Variants in CHM observed in about 807,000 individuals in gnomAD.
CHM encodes CHM Rab escort protein, also known as rab proteins geranylgeranyltransferase component A 1.
A neutral mutation model predicts 49.0 loss-of-function variants in CHM; 10 were observed. The observed-to-expected ratio is 0.20, with a 90% CI of 0.13 to 0.35. CHM has a LOEUF of 0.35. Among genes scored for constraint, CHM ranks in the 10% least tolerant of loss-of-function variants. CHM has a pLI of 1.00. For missense variants in CHM, 455 were observed against 478.4 expected, an observed-to-expected ratio of 0.95 and a Z score of 0.46; for synonymous variants, 184 against 167.5, an observed-to-expected ratio of 1.10 and a Z score of -0.76.
intron 9 of CHM, among the ~76,000 whole-genome samples, chrX:85,901,823 T>C (rs1319581675): frequency 5.4e-5 from 6 of 112,105 alleles, no homozygotes; most frequent in African/African-American, 1.3e-4. Flanking sequence ...AAAACACTTA[T>C]GCACGGACAT....
chrX:85,958,047 T>C (rs763162956), intron 6 of CHM, 72 bp from the exon 7 acceptor site: 242 of 1,140,238 alleles, frequency 2.1e-4, no homozygotes, highest in Admixed American at 2.5e-4. Flanking sequence ...TACACTTTTT[T>C]CCCCTTTACA....
chrX:85,957,288 A>G (rs1272624326), intron 7 of CHM, among the ~76,000 whole-genome samples: 3 of 111,837 alleles, frequency 2.7e-5, no homozygotes, highest in Non-Finnish European at 5.6e-5. Context: ...TTTTTAACAG[A>G]CAATGAAGTA....
intron 2 of CHM, among the ~76,000 whole-genome samples, chrX:86,013,504 C>T (rs1406462625): frequency 9.0e-6 from 1 of 111,267 alleles, no homozygotes; most frequent in African/African-American, 3.3e-5. Flanking sequence ...GTGGCCGAGA[C>T]AGGCGGATCA....
intron 4 of CHM, chrX:85,969,691 G>A (rs1464199066): frequency 3.6e-5 from 4 of 111,940 alleles, no homozygotes; most frequent in African/African-American, 9.8e-5. Flanking sequence ...TCACAATTGC[G>A]AAAATATGGA....
chrX:86,039,048 G>GA (rs926186184), intron 1 of CHM, among the ~76,000 whole-genome samples: 3 of 112,288 alleles, frequency 2.7e-5, no homozygotes, highest in Non-Finnish European at 5.6e-5. Flanking sequence ...CTTCACATTT[G>GA]AAAAATGGAG....
chrX:85,895,029 T>C (rs190924035), intron 11 of CHM, among the ~76,000 whole-genome samples: 2 of 111,357 alleles, frequency 1.8e-5, no homozygotes, highest in East Asian at 5.6e-4. Context: ...AAATTATTCT[T>C]AAGTACTATT....
intron 2 of CHM, among the ~76,000 whole-genome samples, chrX:86,007,602 T>C (rs946284742): frequency 1.8e-5 from 2 of 112,075 alleles, no homozygotes; most frequent in Admixed American, 1.9e-4. Context: ...CAAAGGATAT[T>C]AGTAGACACT....
At chrX:85,949,969 C>T (rs1345151786) in intron 8 of CHM, among the ~76,000 whole-genome samples, 4 of 32,354 alleles carry the variant, frequency 1.2e-4, no homozygotes, top group Non-Finnish European at 1.7e-4. Context: ...GCAATAAACA[C>T]TGAAATTAAA....
intron 2 of CHM, among the ~76,000 whole-genome samples, chrX:85,982,933 T>C (rs1168878472): frequency 9.0e-6 from 1 of 110,724 alleles, no homozygotes; most frequent in Non-Finnish European, 1.9e-5. Flanking sequence ...AGCCCAGAAG[T>C]TCAATACCAG....
At chrX:85,933,336 G>A (rs920265249) in intron 8 of CHM, among the ~76,000 whole-genome samples, 1 of 112,273 alleles carries the variant, frequency 8.9e-6, no homozygotes, top group Non-Finnish European at 1.9e-5. Flanking sequence ...TCATGTGCCA[G>A]ATATTATTCT....
intron 2 of CHM, among the ~76,000 whole-genome samples, chrX:86,020,171 T>A (rs1434140630): frequency 9.0e-6 from 1 of 111,350 alleles, no homozygotes; most frequent in Non-Finnish European, 1.9e-5. Context: ...TCTTTCAGTA[T>A]GTTCCCTCTT....
In CHM at chrX:86,047,464, A is replaced by G. The variant is rs1478738549; in HGVS notation, c.49+20T>C. On this transcript the variant is annotated intron_variant, in intron 1 of 14. Transcript: ENST00000357749. The stretch of plus-strand genomic sequence containing the variant: ...ACAGTCTTCCTAAACTTTGTCCAGG[A>G]AGCACCAGGCTACACATACCCGTCC... 8.3e-7 allele frequency: 1 copy of G among 1,200,767 alleles called. No homozygotes were observed.
rs898760014 is a variant in CHM, at chrX:85,915,474, T to G, written c.1167-4136A>C. On this transcript the variant is annotated intron_variant, in intron 8 of 14. Transcript: ENST00000357749. Reference sequence around the variant, plus strand: ...AGGGCAGTCAGGCAAGAGAAAGAAATAAAGTGCATCAAAATAGAAACAGAG... The same window carrying G: ...AGGGCAGTCAGGCAAGAGAAAGAAAGAAAGTGCATCAAAATAGAAACAGAG... Among the ~76,000 whole-genome samples the G allele has an allele frequency of 2.7e-5, 3 of 111,554 alleles. No individual in the cohort carries two copies. The Admixed American group carries it at 2.9e-4, about 11-fold the overall frequency.
In CHM at chrX:85,956,311, AAT is replaced by A; in HGVS notation, c.1006_1007del (p.Ile336CysfsTer81). On this transcript the variant is annotated frameshift_variant, in exon 8 of 15. Coordinates refer to ENST00000357749, the MANE Select transcript of CHM (RefSeq NM_000390.4). LOFTEE classifies it high-confidence loss of function. Reference sequence around the variant, plus strand: ...ATGTCATTGCAATTGAATGCATGACAATATATTGGAGGTTGGGGGTTAATTTT... The same window carrying A: ...ATGTCATTGCAATTGAATGCATGACAATATTGGAGGTTGGGGGTTAATTTT... ...TQKLTPNLQY[I>X]VMHSIAMTSE... 1 of 1,211,693 alleles carries A rather than the reference AAT, an allele frequency of 8.3e-7. No individual in the cohort carries two copies.
chrX:85,887,144 TA>T (rs1298292877), intron 12 of CHM, among the ~76,000 whole-genome samples: 1 of 110,257 alleles, frequency 9.1e-6, no homozygotes, highest in Admixed American at 9.8e-5. Context: ...ATAAACTGAT[TA>T]AACTATGGTG....
chrX:86,042,574 T>A (rs188541159), intron 1 of CHM, among the ~76,000 whole-genome samples: 21 of 109,971 alleles, frequency 1.9e-4, no homozygotes, highest in South Asian at 4.0e-4. Context: ...TCCCAGCAAT[T>A]TGGGCCACCA....
At chrX:85,913,388 A>AAAGAAAG (rs1441206927) in intron 8 of CHM, among the ~76,000 whole-genome samples, 2 of 83,430 alleles carry the variant, frequency 2.4e-5, no homozygotes, top group African/African-American at 8.5e-5. Context: ...AAGAAAGAAA[A>AAAGAAAG]AAGGAAAAGG....
chrX:85,921,798 A>G (rs1412257066), intron 8 of CHM, among the ~76,000 whole-genome samples: 1 of 112,638 alleles, frequency 8.9e-6, no homozygotes, highest in Non-Finnish European at 1.9e-5. Context: ...TGCATTTATC[A>G]TAACACTATA....
chrX:85,876,817 T>C (rs1299199298), intron 13 of CHM, among the ~76,000 whole-genome samples: 1 of 111,467 alleles, frequency 9.0e-6, no homozygotes, highest in Non-Finnish European at 1.9e-5. Flanking sequence ...TTAAGATTAA[T>C]GTTTAAAAAT....
Sources: allele counts gnomAD v4.1 joint callset (sites outside exome capture counted in the v4.1 genomes callset), GRCh38; gene constraint gnomAD v4.1.1; transcripts MANE v1.5; gene names NCBI Gene and HGNC (gene_info 2026-07-23, HGNC 2026-07-21).